FAM135B: variants seen among roughly 807,000 people sequenced by gnomAD.
FAM135B encodes the protein protein FAM135B.
A neutral mutation model predicts 127.7 loss-of-function variants in FAM135B; 43 were observed. The ratio of observed to expected loss-of-function variants is 0.34; its 90% confidence interval spans 0.26 to 0.43. The LOEUF (loss-of-function observed/expected upper bound fraction) is 0.43, where lower values mean the gene tolerates loss of function less well. Ranked by LOEUF, FAM135B falls within the 20% of genes least tolerant of loss-of-function variation. The pLI, the probability that FAM135B is intolerant of heterozygous loss-of-function variation, is 1.00. For synonymous variants in FAM135B, 670 were observed against 665.1 expected (o/e 1.01, Z -0.11); for missense variants, 1,558 against 1,725.6 (o/e 0.90, Z 1.72).
chr8:138,354,448 T>C (rs1393539159), intron 2 of FAM135B, among the ~76,000 whole-genome samples: 1 of 152,192 alleles, frequency 6.6e-6, no homozygotes, highest in Non-Finnish European at 1.5e-5. Context: ...CCAGTCTTTA[T>C]CTGGCTTGTG....
At chr8:138,341,628 T>G (rs1587154700) in intron 2 of FAM135B, among the ~76,000 whole-genome samples, 1 of 152,284 alleles carries the variant, frequency 6.6e-6, no homozygotes, top group East Asian at 1.9e-4. Flanking sequence ...TAAAAAGGTT[T>G]TTGGTAAAGT....
intron 6 of FAM135B, among the ~76,000 whole-genome samples, chr8:138,250,190 T>C (rs754905598): frequency 6.6e-6 from 1 of 151,962 alleles, no homozygotes; most frequent in East Asian, 1.9e-4. Context: ...CCGTCTCTAC[T>C]AAAAATACAA....
intron 7 of FAM135B, among the ~76,000 whole-genome samples, chr8:138,214,126 A>C (rs572797558): frequency 2.0e-5 from 3 of 152,164 alleles, no homozygotes; most frequent in Non-Finnish European, 4.4e-5. Flanking sequence ...CATTGCGCAG[A>C]CAGCCAGGTA....
At chr8:138,497,651 C>T (rs1234620891), upstream of FAM135B, among the ~76,000 whole-genome samples, 1 of 152,166 alleles carries the variant, frequency 6.6e-6, no homozygotes, top group Non-Finnish European at 1.5e-5. Flanking sequence ...CAGCAGTGGC[C>T]TTCAACCAGC....
intron 3 of FAM135B, among the ~76,000 whole-genome samples, chr8:138,294,749 T>C (rs2130810921): frequency 6.6e-6 from 1 of 152,294 alleles, no homozygotes; most frequent in African/African-American, 2.4e-5. Context: ...AAACAGAAGT[T>C]CTTTCTCATG....
intron 2 of FAM135B, among the ~76,000 whole-genome samples, chr8:138,345,678 T>G (rs576851149): frequency 2.6e-5 from 4 of 152,226 alleles, no homozygotes; most frequent in Non-Finnish European, 4.4e-5. Flanking sequence ...CCCAGCCATG[T>G]GGCGACGACA....
chr8:138,179,738 G>A (rs1814829985), intron 9 of FAM135B, among the ~76,000 whole-genome samples: 1 of 152,084 alleles, frequency 6.6e-6, no homozygotes, highest in Non-Finnish European at 1.5e-5. Context: ...CTGTCACCCA[G>A]GCTGGAGTGC....
intron 3 of FAM135B, among the ~76,000 whole-genome samples, chr8:138,308,441 A>C (rs796346612): frequency 3.9e-5 from 6 of 152,274 alleles, no homozygotes; most frequent in African/African-American, 1.4e-4. Context: ...AAATAGTATA[A>C]TTGGAAAATT....
chr8:138,222,678 GTTT>G (rs33913656), intron 7 of FAM135B, among the ~76,000 whole-genome samples: 2,444 of 104,036 alleles, frequency 0.023, 72 homozygotes, highest in African/African-American at 0.079. Context: ...TGTTGGTGGT[GTTT>G]TTTTTTTTTT....
intron 1 of FAM135B, among the ~76,000 whole-genome samples, chr8:138,378,144 C>T (rs138037028): frequency 1.8e-4 from 27 of 152,318 alleles, no homozygotes; most frequent in African/African-American, 6.3e-4. Context: ...AGCAGGGACA[C>T]AGGAAATCTG....
chr8:138,406,697 C>A (rs978611318), intron 1 of FAM135B, among the ~76,000 whole-genome samples: 1 of 151,524 alleles, frequency 6.6e-6, no homozygotes, highest in Non-Finnish European at 1.5e-5. Context: ...AGGCCTTTGA[C>A]AAAATTCAAC....
intron 2 of FAM135B, among the ~76,000 whole-genome samples, chr8:138,365,493 CTATA>C (rs2131201982): frequency 6.6e-6 from 1 of 151,912 alleles, no homozygotes. Flanking sequence ...GCTTACAAGT[CTATA>C]TATCAAATAG....
At chr8:138,293,885 C>T (rs1348929222) in intron 3 of FAM135B, among the ~76,000 whole-genome samples, 1 of 152,098 alleles carries the variant, frequency 6.6e-6, no homozygotes, top group East Asian at 1.9e-4. Flanking sequence ...CCCAACAATC[C>T]CAGTGGTGGG....
intron 3 of FAM135B, among the ~76,000 whole-genome samples, chr8:138,291,988 T>G (rs1166429546): frequency 6.6e-6 from 1 of 152,126 alleles, no homozygotes; most frequent in Non-Finnish European, 1.5e-5. Context: ...TTGTTTCTGT[T>G]GGCAGATGAC....
intron 1 of FAM135B, among the ~76,000 whole-genome samples, chr8:138,460,937 T>C (rs893907171): frequency 6.6e-6 from 1 of 152,302 alleles, no homozygotes; most frequent in African/African-American, 2.4e-5. Flanking sequence ...CTCAGACTCC[T>C]GCAGAGCGGG....
At chr8:138,223,978 C>G (rs954262612) in intron 7 of FAM135B, among the ~76,000 whole-genome samples, 1 of 151,656 alleles carries the variant, frequency 6.6e-6, no homozygotes, top group African/African-American at 2.4e-5. Context: ...GGGAGCTAAA[C>G]ATTGGGTACA....
At chr8:138,235,407 G>T (rs925628790) in intron 7 of FAM135B, among the ~76,000 whole-genome samples, 6 of 152,212 alleles carry the variant, frequency 3.9e-5, no homozygotes, top group Non-Finnish European at 5.9e-5. Flanking sequence ...TCTGCTCAAA[G>T]AGATGTCCTG....
At chr8:138,255,896 G>A (rs1417623191) in intron 5 of FAM135B, among the ~76,000 whole-genome samples, 1 of 152,110 alleles carries the variant, frequency 6.6e-6, no homozygotes, top group South Asian at 2.1e-4. Context: ...ACCCTGCAAA[G>A]CCTGCAAACT....
intron 4 of FAM135B, among the ~76,000 whole-genome samples, chr8:138,262,049 A>G (rs79481809): frequency 0.022 from 3,276 of 152,288 alleles, 113 homozygotes; most frequent in African/African-American, 0.071. Context: ...CATATGGATT[A>G]CCCCCAACAC....
Sources: gnomAD v4.1 joint callset for allele counts (sites outside exome capture counted in the v4.1 genomes callset) on GRCh38, gnomAD v4.1.1 for gene constraint, MANE v1.5 for transcripts, NCBI Gene and HGNC (gene_info 2026-07-23, HGNC 2026-07-21) for gene names.